POLR3K: variants seen among roughly 807,000 people sequenced by gnomAD.
POLR3K encodes the protein DNA-directed RNA polymerase III subunit RPC10.
A neutral mutation model predicts 13.5 loss-of-function variants in POLR3K; 11 were observed. The ratio of observed to expected loss-of-function variants is 0.81; its 90% CI spans 0.51 to 1.35. POLR3K has a LOEUF of 1.35. Among genes scored for constraint, POLR3K ranks in the 40% most tolerant of loss-of-function variants. The probability of loss-of-function intolerance (pLI) is 0.00; values close to 1 mark genes in which losing one functional copy is unlikely to be tolerated. For synonymous variants in POLR3K, 56 were observed against 51.5 expected (o/e 1.09, Z -0.38); for missense variants, 144 against 145.3 (o/e 0.99, Z 0.05).
intron 1 of POLR3K, among the ~76,000 whole-genome samples, chr16:52,444 CTCAAAAAAAAAAAAAAAAAA>C (rs1897342674): frequency 1.2e-5 from 1 of 81,270 alleles, no homozygotes; most frequent in Non-Finnish European, 2.3e-5. Flanking sequence ...GAGACTCTGT[CTCAAAAAAAAAAAAAAAAAA>C]AAAAAAAAAA....
chr16:47,568 G>GA lies in POLR3K; in HGVS notation c.200-12dup, dbSNP rs1050793151. On this transcript the variant is annotated splice_polypyrimidine_tract_variant and intron_variant, in intron 2 of 2. Transcript: ENST00000293860. ...ATTTGGGACACGACTCTGGCAATGA[G>GA]AAAAAAGAAGTGACCACATTTAAAA... The GA allele has an allele frequency of 1.2e-6, 2 of 1,608,964 alleles. No individual in the cohort carries two copies. Among genetic ancestry groups the GA allele is most frequent in the Non-Finnish European group, 8.5e-7 (1 of 1,177,240 alleles).
At position 47,171 on chromosome 16, in the gene POLR3K, T is replaced by C. The variant is rs1897290728; in HGVS notation, c.*259A>G. 4.0e-6 allele frequency: 1 copy of C among 247,828 alleles called. No individual in the cohort carries two copies. The allele number at this position is 247,828 out of a possible 1,614,324, so 15.4% of individuals were successfully genotyped here. A position where few individuals can be genotyped will look rare whatever the true frequency, so the allele number is the denominator to read the frequency against. ...GCCAATAAAGTGGAAGATGAAAGAA[T>C]AGGACTTTACACAGAGCATATTTAG... On this transcript the variant is annotated 3_prime_UTR_variant, in exon 3 of 3. Transcript: ENST00000293860.
In POLR3K at chr16:48,744, G is replaced by A. The variant is rs572866629; in HGVS notation, c.200-1187C>T. ...GAGAATTGCGTGAACCCGGGAGGCG[G>A]AGCTTGCAGTGAGCCGAGATCGCGC... On this transcript the variant is annotated intron_variant, in intron 2 of 2. Coordinates refer to ENST00000293860, the MANE Select transcript of POLR3K (RefSeq NM_016310.5). Among the ~76,000 whole-genome samples, 477 of 150,912 alleles carry A rather than the reference G, an allele frequency of 3.2e-3. 4 individuals are homozygous for A. Among genetic ancestry groups the A allele is most frequent in the Middle Eastern group, 0.017 (5 of 286 alleles).
chr16:53,221 G>A (rs1056519164), intron 1 of POLR3K: 3 of 636,052 alleles, frequency 4.7e-6, no homozygotes, highest in Admixed American at 3.9e-5. Context: ...CAGCTTTAAG[G>A]AAATCACCGT....
rs144963284 is a variant in POLR3K at position 46,744 on chromosome 16, A to AATAAAT, written c.*685_*686insATTTAT. The AATAAAT allele has an allele frequency of 9.5e-6, 1 of 104,808 alleles. No homozygotes were observed. The highest frequency in any genetic ancestry group is 5.2e-5 in the African/African-American group (1 of 19,176). The allele number at this position is 104,808 out of a possible 1,614,324, so 6.5% of individuals were successfully genotyped here. A position where few individuals can be genotyped will look rare whatever the true frequency, so the allele number is the denominator to read the frequency against. ...GTCTTAAATAAATAAATAAATAAAT[A>AATAAAT]AAATAAATAAATAAATAAATAGTAT... is the stretch of plus-strand genomic sequence containing the variant. On this transcript the variant is annotated 3_prime_UTR_variant, in exon 3 of 3. Coordinates refer to ENST00000293860, the MANE Select transcript of POLR3K (RefSeq NM_016310.5).
At position 46,791 on chromosome 16, in the gene POLR3K, G is replaced by A. The variant is rs1039014317; in HGVS notation, c.*639C>T. ...GTATCTTATACATTTAAAGCAACCC[G>A]AGGAAGCAAATCAGGGGAGGTTCAA... On this transcript the variant is annotated 3_prime_UTR_variant, in exon 3 of 3. Coordinates refer to ENST00000293860, the MANE Select transcript of POLR3K (RefSeq NM_016310.5). 1.3e-5 allele frequency: 2 copies of A among 151,744 alleles called. No homozygotes were observed. The highest frequency in any genetic ancestry group is 2.4e-5 in the African/African-American group (1 of 41,328). The allele number at this position is 151,744 out of a possible 1,614,324, so 9.4% of individuals were successfully genotyped here. A position where few individuals can be genotyped will look rare whatever the true frequency, so the allele number is the denominator to read the frequency against.
chr16:47,219 C>T lies in POLR3K; in HGVS notation c.*211G>A. ...TAGTTATGGGTCTCTGTCTCCTCCC[C>T]ACACAGAAAAACTCCCAGACATTCA... On this transcript the variant is annotated 3_prime_UTR_variant, in exon 3 of 3. Coordinates refer to ENST00000293860, the MANE Select transcript of POLR3K (RefSeq NM_016310.5). 3 of 469,062 alleles carry T rather than the reference C, an allele frequency of 6.4e-6. No homozygotes were observed. The highest frequency in any genetic ancestry group is 6.0e-5 in the South Asian group (2 of 33,200). 29.1% of individuals were successfully genotyped at this position (469,062 alleles called of 1,614,324 possible).
chr16:48,258 T>A (rs1215836556), intron 2 of POLR3K, among the ~76,000 whole-genome samples: 1 of 152,004 alleles, frequency 6.6e-6, no homozygotes, highest in Non-Finnish European at 1.5e-5. Context: ...AGGGTAGATC[T>A]ACAAACAGTG....
Position 53,572 on chromosome 16 carries a change from G to A in POLR3K, c.15C>T (p.Cys5=), listed in dbSNP as rs769502476. 4.3e-6 allele frequency: 7 copies of A among 1,612,660 alleles called. No individual in the cohort carries two copies. The Admixed American group carries it at 6.7e-5, about 15-fold the overall frequency. Residue 5 remains cysteine, a synonymous_variant, in exon 1 of 3, where the codon TGC becomes TGT. Transcript: ENST00000293860. The part of the protein sequence containing the change: MLLF[C]PGCGNGLIVE... ...CGATCAGCCCGTTCCCGCAGCCGGG[G>A]CAGAACAGCAGCATGGTCTCGAACT... is the stretch of plus-strand genomic sequence containing the variant.
intron 2 of POLR3K, 44 bp from the exon 3 acceptor site, chr16:47,601 C>G (rs369591034): frequency 6.3e-7 from 1 of 1,597,512 alleles, no homozygotes; most frequent in Non-Finnish European, 8.5e-7. Flanking sequence ...AAAAAAGATG[C>G]TACTCATGGC....
intron 2 of POLR3K, among the ~76,000 whole-genome samples, chr16:50,653 G>A (rs902715332): frequency 6.6e-6 from 1 of 152,054 alleles, no homozygotes; most frequent in Admixed American, 6.6e-5. Context: ...CTCCTGAGCA[G>A]TTGGGTCTAC....
rs150800825 is a variant in POLR3K, at chr16:49,565, G to A, written c.199+1993C>T. On this transcript the variant is annotated intron_variant, in intron 2 of 2. Transcript: ENST00000293860. ...GGCTCACTGCAACCTCCGCCTCCTG[G>A]TTCAAGCAATTCTCCTGCCTCAGCC... is the stretch of plus-strand genomic sequence containing the variant. 5.1e-3 allele frequency among the ~76,000 whole-genome samples: 773 copies of A among 151,476 alleles called. 5 individuals carry two copies. Among genetic ancestry groups the A allele is most frequent in the African/African-American group, 0.018 (733 of 41,280 alleles).
Position 52,446 on chromosome 16 carries a change from CAAAAAAAAAAAAAAAAAAAAAAAAAAA to C in POLR3K, c.112-828_112-802del, listed in dbSNP as rs767411954. ...TGGGAAACAGAGCGAGACTCTGTCT[CAAAAAAAAAAAAAAAAAAAAAAAAAAA>C]AAAAAAAAAAAAAAGGTCGGGCGCG... On this transcript the variant is annotated intron_variant, in intron 1 of 2. Transcript: ENST00000293860. Among the ~76,000 whole-genome samples, 33 of 74,194 alleles carry C rather than the reference CAAAAAAAAAAAAAAAAAAAAAAAAAAA, an allele frequency of 4.4e-4. 1 individual carries two copies. In the East Asian group the frequency reaches 0.012, roughly 27 times the overall value. The allele number at this position is 74,194 out of a possible 152,430, so 48.7% of individuals were successfully genotyped here. A position where few individuals can be genotyped will look rare whatever the true frequency, so the allele number is the denominator to read the frequency against.
rs1340049049 is a variant in POLR3K, at chr16:47,533, G to C, written c.224C>G (p.Pro75Arg). ...TAESCPKCEH[P>R]RAYFMQLQTR... ...CTGAAGCTGCATGAAGTAAGCACGA[G>C]GATGTTCGCATTTGGGACACGACTC... The change falls in exon 3 of 3, where the codon CCT becomes CGT. Residue 75 changes from proline to arginine, a missense_variant. Transcript: ENST00000293860. The C allele has an allele frequency of 6.2e-7, 1 of 1,613,326 alleles. No homozygotes were observed.
intron 2 of POLR3K, among the ~76,000 whole-genome samples, chr16:50,178 C>T (rs911066311): frequency 1.1e-4 from 16 of 152,014 alleles, no homozygotes; most frequent in African/African-American, 3.9e-4. Flanking sequence ...AGGCTGGTCT[C>T]GAACTCCTGA....
In POLR3K at chr16:47,161, G is replaced by T. The variant is rs1234729217; in HGVS notation, c.*269C>A. ...AATGTCAACTGCCAATAAAGTGGAA[G>T]ATGAAAGAATAGGACTTTACACAGA... On this transcript the variant is annotated 3_prime_UTR_variant, in exon 3 of 3. Transcript: ENST00000293860. The T allele has an allele frequency of 4.5e-6, 1 of 221,084 alleles. No individual in the cohort carries two copies. Among genetic ancestry groups the T allele is most frequent in the African/African-American group, 2.3e-5 (1 of 44,000 alleles). 13.7% of individuals were successfully genotyped at this position (221,084 alleles called of 1,614,324 possible). A position where few individuals can be genotyped will look rare whatever the true frequency, so the allele number is the denominator to read the frequency against.
intron 2 of POLR3K, among the ~76,000 whole-genome samples, chr16:49,315 G>A (rs1241832908): frequency 6.6e-6 from 1 of 151,966 alleles, no homozygotes; most frequent in Non-Finnish European, 1.5e-5. Flanking sequence ...GCGCATGCCT[G>A]TAATCCCAGC....
chr16:49,245 C>T (rs1897309878), intron 2 of POLR3K, among the ~76,000 whole-genome samples: 3 of 151,992 alleles, frequency 2.0e-5, no homozygotes, highest in South Asian at 4.2e-4. Flanking sequence ...TCGTGACCAG[C>T]CTTATCAACA....
chr16:48,733 C>T (rs927909281), intron 2 of POLR3K, among the ~76,000 whole-genome samples: 12 of 151,188 alleles, frequency 7.9e-5, no homozygotes, highest in Non-Finnish European at 8.8e-5. Flanking sequence ...ATTGCGTGAA[C>T]CCGGGAGGCG....
Sources: allele counts gnomAD v4.1 joint callset (sites outside exome capture counted in the v4.1 genomes callset), GRCh38; gene constraint gnomAD v4.1.1; transcripts MANE v1.5; gene names NCBI Gene and HGNC (gene_info 2026-07-23, HGNC 2026-07-21).